Variants in KLHL13 observed in about 807,000 individuals in gnomAD.
KLHL13 encodes kelch like family member 13.
KLHL13 carries 10 observed loss-of-function variants against 37.1 expected under a neutral mutation model. That is an observed-to-expected ratio of 0.27 (90% CI 0.17 to 0.46). The LOEUF (loss-of-function observed/expected upper bound fraction) is 0.46, where lower values mean the gene tolerates loss of function less well. KLHL13 is among the 20% of genes least tolerant of loss of function. KLHL13 has a pLI of 1.00. For missense variants in KLHL13, 360 were observed against 509.3 expected, an observed-to-expected ratio of 0.71 and a Z score of 2.82; for synonymous variants, 163 against 181.2, an observed-to-expected ratio of 0.90 and a Z score of 0.81.
chrX:117,997,869 A>G (rs887789223), intron 1 of KLHL13, among the ~76,000 whole-genome samples: 2 of 112,484 alleles, frequency 1.8e-5, no homozygotes, highest in African/African-American at 6.5e-5. Context: ...AAAATAAAAC[A>G]TAATTGAACA....
chrX:118,076,769 G>A (rs2054933161), intron 1 of KLHL13, among the ~76,000 whole-genome samples: 1 of 110,527 alleles, frequency 9.0e-6, no homozygotes, highest in East Asian at 2.9e-4. Context: ...CCTTTGGCTG[G>A]GGCTTCAATA....
intron 1 of KLHL13, among the ~76,000 whole-genome samples, chrX:118,091,439 A>G (rs1291664429): frequency 1.8e-5 from 2 of 111,693 alleles, no homozygotes; most frequent in South Asian, 7.5e-4. Flanking sequence ...GTAAAGAAAT[A>G]GAAGATATAA....
chrX:118,075,793 A>G (rs1434879183), intron 1 of KLHL13, among the ~76,000 whole-genome samples: 8 of 112,044 alleles, frequency 7.1e-5, no homozygotes, highest in Non-Finnish European at 1.5e-4. Context: ...AATAAATTTC[A>G]ATGAGATCTT....
intron 1 of KLHL13, among the ~76,000 whole-genome samples, chrX:118,070,139 T>C (rs910271285): frequency 8.9e-6 from 1 of 112,141 alleles, no homozygotes; most frequent in Non-Finnish European, 1.9e-5. Context: ...CCACATACGT[T>C]TGTGTAAGTA....
intron 1 of KLHL13, 47 bp from the exon 3 acceptor site, chrX:117,945,622 C>T: frequency 9.5e-7 from 1 of 1,048,241 alleles, no homozygotes; most frequent in South Asian, 2.1e-5. Flanking sequence ...AAAACTTGTA[C>T]AATTTACAAT....
intron 1 of KLHL13, among the ~76,000 whole-genome samples, chrX:118,071,529 T>C (rs1199408792): frequency 1.8e-5 from 2 of 112,035 alleles, no homozygotes; most frequent in African/African-American, 6.5e-5. Flanking sequence ...ATTTTTTTCA[T>C]GTGTTTTTTG....
At chrX:118,069,614 T>C (rs1291302067) in intron 1 of KLHL13, among the ~76,000 whole-genome samples, 3 of 110,663 alleles carry the variant, frequency 2.7e-5, no homozygotes, top group Non-Finnish European at 5.7e-5. Flanking sequence ...AGAAATTATA[T>C]GTATATATGT....
At chrX:118,111,889 GA>G (rs749628023) in intron 1 of KLHL13, among the ~76,000 whole-genome samples, 155 of 111,782 alleles carry the variant, frequency 1.4e-3, no homozygotes, top group African/African-American at 4.7e-3. Flanking sequence ...GAGAGAGCGA[GA>G]CTCCGTCTAA....
At chrX:118,082,377 T>A (rs190854301) in intron 1 of KLHL13, among the ~76,000 whole-genome samples, 72 of 111,701 alleles carry the variant, frequency 6.4e-4, no homozygotes, top group African/African-American at 2.2e-3. Flanking sequence ...AGCATTTTTT[T>A]AATATATCTG....
intron 1 of KLHL13, among the ~76,000 whole-genome samples, chrX:118,079,281 A>G (rs1474117193): frequency 1.8e-5 from 2 of 110,829 alleles, no homozygotes; most frequent in African/African-American, 6.5e-5. Context: ...ATGTATAGGA[A>G]GTCTAGCCAG....
intron 1 of KLHL13, among the ~76,000 whole-genome samples, chrX:117,992,227 T>G (rs772624945): frequency 2.8e-3 from 232 of 83,934 alleles, no homozygotes; most frequent in Non-Finnish European, 4.3e-3. Context: ...TTAGAGAAAC[T>G]GAGATGTAAA....
intron 1 of KLHL13, among the ~76,000 whole-genome samples, chrX:118,098,448 G>C (rs1402472403): frequency 1.5e-3 from 164 of 111,071 alleles, no homozygotes; most frequent in Non-Finnish European, 2.7e-3. Context: ...AGGATGTGGA[G>C]AAATAGGAAC....
intron 4 of KLHL13, among the ~76,000 whole-genome samples, chrX:117,917,758 G>C: frequency 8.9e-6 from 1 of 111,801 alleles, no homozygotes; most frequent in Non-Finnish European, 1.9e-5. Context: ...TGCATTAGAG[G>C]ATAGGCCAAC....
chrX:117,944,087 T>A lies in KLHL13; in HGVS notation c.240+1347A>T, dbSNP rs757017814. Among the ~76,000 whole-genome samples, 32 of 111,299 alleles carry A rather than the reference T, an allele frequency of 2.9e-4. 1 individual carries two copies. Among genetic ancestry groups the A allele is most frequent in the Non-Finnish European group, 5.6e-4 (30 of 53,116 alleles). On this transcript the variant is annotated intron_variant, in intron 2 of 6. Coordinates refer to ENST00000262820, the Ensembl canonical transcript of KLHL13. ...TAGTCTTCCTTCTAACAGGCCCCTC[T>A]GCTGCAGATCTGCTAGAGGTGCTAG...
chrX:117,903,157 C>G lies in KLHL13; in HGVS notation c.1367-1211G>C, dbSNP rs773276269. On this transcript the variant is annotated intron_variant, in intron 5 of 6. Coordinates refer to ENST00000262820, the Ensembl canonical transcript of KLHL13. ...CAAAACACACACACACACACACACACAGAGAGAGAGAGAGAGGAGAGCGAG... is the reference window on the plus strand; with the variant it reads ...CAAAACACACACACACACACACACAGAGAGAGAGAGAGAGAGGAGAGCGAG... 1.1e-3 allele frequency among the ~76,000 whole-genome samples: 114 copies of G among 100,228 alleles called. 1 individual carries two copies. The highest frequency in any genetic ancestry group is 7.6e-3 in the South Asian group (17 of 2,242). The allele number at this position is 100,228 out of a possible 115,157, so 87.0% of individuals were successfully genotyped here.
intron 1 of KLHL13, among the ~76,000 whole-genome samples, chrX:118,072,888 G>A (rs189674095): frequency 1.3e-4 from 14 of 110,847 alleles, no homozygotes; most frequent in Non-Finnish European, 2.5e-4. Context: ...GAGCCCAGGA[G>A]TTTGAGACCA....
At chrX:117,973,544 A>G in exon 1 of KLHL13, 1 of 899,277 alleles carries the variant, frequency 1.1e-6, no homozygotes, top group Non-Finnish European at 1.4e-6. Flanking sequence ...GAGAAGGCAA[A>G]ATGTAAGAAG....
chrX:117,991,106 T>C (rs766621270), intron 1 of KLHL13, among the ~76,000 whole-genome samples: 16 of 96,052 alleles, frequency 1.7e-4, no homozygotes, highest in Middle Eastern at 5.1e-3. Context: ...TTGGGGTATG[T>C]TTGGAAAGGC....
chrX:118,036,615 T>C (rs1190103176), intron 1 of KLHL13, among the ~76,000 whole-genome samples: 1 of 111,809 alleles, frequency 8.9e-6, no homozygotes, highest in East Asian at 2.8e-4. Flanking sequence ...AAGACTTAAA[T>C]GTTAGACCCA....
Sources: allele counts gnomAD v4.1 joint callset (sites outside exome capture counted in the v4.1 genomes callset), GRCh38; gene constraint gnomAD v4.1.1; transcripts MANE v1.5; gene names NCBI Gene and HGNC (gene_info 2026-07-23, HGNC 2026-07-21).